The following CYFIP2 variants were observed in gnomAD, a reference collection of about 807,000 sequenced individuals.
CYFIP2 encodes the protein cytoplasmic FMR1 interacting protein 2, also known as cytoplasmic FMR1-interacting protein 2.
In CYFIP2, 29 loss-of-function variants were observed where a neutral mutation model predicts 158.7. That is an observed-to-expected ratio of 0.18 (90% CI 0.14 to 0.25). The LOEUF (loss-of-function observed/expected upper bound fraction) is 0.25. CYFIP2 is among the 10% of genes least tolerant of loss of function. The pLI is 1.00. For synonymous variants in CYFIP2, 585 were observed against 617.6 expected (o/e 0.95, Z 0.78); for missense variants, 852 against 1,639.5 (o/e 0.52, Z 8.29).
chr5:157,374,080 C>T (rs1262532448), intron 26 of CYFIP2, among the ~76,000 whole-genome samples: 1 of 152,146 alleles, frequency 6.6e-6, no homozygotes, highest in Non-Finnish European at 1.5e-5. Flanking sequence ...TGATGATGGT[C>T]ATTGGAAATC....
chr5:157,365,692 A>C (rs183890682), intron 26 of CYFIP2, among the ~76,000 whole-genome samples: 8 of 151,286 alleles, frequency 5.3e-5, no homozygotes, highest in Non-Finnish European at 1.0e-4. Context: ...TTCCGCAAGG[A>C]ATCGTAGTTC....
intron 26 of CYFIP2, among the ~76,000 whole-genome samples, chr5:157,377,247 A>C (rs1012702145): frequency 1.3e-5 from 2 of 152,000 alleles, no homozygotes; most frequent in Non-Finnish European, 2.9e-5. Context: ...GGCTTAGAAG[A>C]TTCTTCCCAA....
chr5:157,332,867 A>G (rs1335462534), intron 20 of CYFIP2, among the ~76,000 whole-genome samples: 1 of 152,124 alleles, frequency 6.6e-6, no homozygotes, highest in Non-Finnish European at 1.5e-5. Flanking sequence ...GCTGGTGTCA[A>G]ACTCCTGGGT....
chr5:157,273,385 C>A (rs1023539243), intron 1 of CYFIP2, among the ~76,000 whole-genome samples: 3 of 152,138 alleles, frequency 2.0e-5, no homozygotes, highest in African/African-American at 7.2e-5. Context: ...TCACCCCACC[C>A]ACCTCACAGG....
intron 29 of CYFIP2, 120 bp downstream of exon 29, chr5:157,389,547 T>C: frequency 1.1e-6 from 1 of 878,418 alleles, no homozygotes; most frequent in East Asian, 2.7e-5. Flanking sequence ...GGCCAACAAC[T>C]ACTTTGTTGA....
At position 157,300,912 on chromosome 5, in the gene CYFIP2, C is replaced by T. The variant is rs1256878394; in HGVS notation, c.569+16C>T. ...CCTACAAGAGGTCAGGGCAACCTCC[C>T]CCTCTCCCCTTTCCCCATCCAGGCC... On this transcript the variant is annotated intron_variant, in intron 6 of 30. Transcript: ENST00000620254. 6.5e-7 allele frequency: 1 copy of T among 1,530,420 alleles called. No homozygotes were observed. The highest frequency in any genetic ancestry group is 8.8e-7 in the Non-Finnish European group (1 of 1,130,822). 94.8% of individuals were successfully genotyped at this position (1,530,420 alleles called of 1,614,324 possible).
intron 18 of CYFIP2, 108 bp from the exon 19 acceptor site, chr5:157,327,865 C>T: frequency 9.7e-7 from 1 of 1,026,000 alleles, no homozygotes; most frequent in Non-Finnish European, 1.5e-6. Flanking sequence ...CGTCTTTCCC[C>T]AGAATGCACT....
intron 18 of CYFIP2, among the ~76,000 whole-genome samples, chr5:157,326,763 G>A (rs916716834): frequency 1.3e-5 from 2 of 152,170 alleles, no homozygotes; most frequent in Non-Finnish European, 2.9e-5. Flanking sequence ...TGGATTCTTT[G>A]CCTGGAGGGA....
intron 20 of CYFIP2, among the ~76,000 whole-genome samples, chr5:157,331,322 G>A (rs1431973128): frequency 6.6e-6 from 1 of 150,964 alleles, no homozygotes; most frequent in Non-Finnish European, 1.5e-5. Flanking sequence ...ATGTAGAGGA[G>A]ATGTTGCTGG....
chr5:157,288,481 G>T (rs1479148075), intron 3 of CYFIP2: 2 of 395,024 alleles, frequency 5.1e-6, no homozygotes, highest in East Asian at 7.6e-5. Context: ...GTATTGTGTG[G>T]CTGGTGCCCT....
chr5:157,290,060 G>C (rs920554994), intron 3 of CYFIP2, among the ~76,000 whole-genome samples: 7 of 152,240 alleles, frequency 4.6e-5, no homozygotes, highest in African/African-American at 1.7e-4. Flanking sequence ...CAGTCACCTG[G>C]GACTGCACTG....
intron 4 of CYFIP2, 74 bp from the exon 5 acceptor site, chr5:157,296,594 AAAAAC>A (rs1179750832): frequency 1.1e-5 from 16 of 1,395,110 alleles, no homozygotes; most frequent in Middle Eastern, 1.8e-4. Context: ...ACCCTGTCTC[AAAAAC>A]AAAACAAAAC....
intron 3 of CYFIP2, among the ~76,000 whole-genome samples, chr5:157,292,590 A>C (rs577513947): frequency 2.6e-5 from 4 of 152,188 alleles, no homozygotes; most frequent in Non-Finnish European, 5.9e-5. Flanking sequence ...TTGCCAAATA[A>C]TTAATTGTAT....
chr5:157,364,740 G>A (rs975622237), intron 26 of CYFIP2: 2 of 152,172 alleles, frequency 1.3e-5, no homozygotes, highest in Admixed American at 6.5e-5. Flanking sequence ...TGAGGCATGA[G>A]CTTTCTGGAG....
At chr5:157,296,817 G>T in intron 5 of CYFIP2, 43 bp downstream of exon 5, 6 of 1,518,042 alleles carry the variant, frequency 4.0e-6, no homozygotes, top group South Asian at 1.1e-5. Flanking sequence ...AACTGAAAAG[G>T]CCCCTAGTTT....
intron 26 of CYFIP2, among the ~76,000 whole-genome samples, chr5:157,381,213 G>T (rs929013157): frequency 6.6e-6 from 1 of 151,948 alleles, no homozygotes; most frequent in Non-Finnish European, 1.5e-5. Flanking sequence ...CCTTTCCACT[G>T]AGACATAACC....
intron 23 of CYFIP2, chr5:157,343,601 T>A: frequency 3.0e-6 from 4 of 1,329,246 alleles, no homozygotes; most frequent in Non-Finnish European, 4.1e-6. Flanking sequence ...GTATTTATCA[T>A]AATCATAGCC....
chr5:157,361,353 G>A lies in CYFIP2; in HGVS notation c.2909-115G>A. 1 of 1,379,756 alleles carries A rather than the reference G, an allele frequency of 7.2e-7. No homozygotes were observed. Among genetic ancestry groups the A allele is most frequent in the South Asian group, 1.3e-5 (1 of 77,202 alleles). 85.5% of individuals were successfully genotyped at this position (1,379,756 alleles called of 1,614,324 possible). On this transcript the variant is annotated intron_variant, in intron 25 of 30. Transcript: ENST00000620254. The surrounding 1 kb of genome is among the most constrained non-coding windows in gnomAD (Gnocchi z 4.4). ...GGCCTGCAGGTAAGAGGGATGCGTG[G>A]TTTGGCTTTTTGCTATCCCAGAGTC... is the stretch of plus-strand genomic sequence containing the variant.
At chr5:157,269,184 G>A (rs1755870515) in intron 1 of CYFIP2, among the ~76,000 whole-genome samples, 1 of 152,010 alleles carries the variant, frequency 6.6e-6, no homozygotes, top group Admixed American at 6.6e-5. Flanking sequence ...CCGGCCGAAG[G>A]AAGGGAAAGT....
Sources: gnomAD v4.1 joint callset for allele counts (sites outside exome capture counted in the v4.1 genomes callset) on GRCh38, gnomAD v4.1.1 for gene constraint, Gnocchi (gnomAD v3.1) non-coding constraint, MANE v1.5 for transcripts, NCBI Gene and HGNC (gene_info 2026-07-23, HGNC 2026-07-21) for gene names.